Variants in STRN observed in about 807,000 individuals in gnomAD.
STRN encodes the protein striatin.
Under a neutral mutation model 96.3 loss-of-function variants are expected in STRN, and 53 were observed. The observed-to-expected ratio is 0.55, with a 90% CI of 0.44 to 0.69. The LOEUF (loss-of-function observed/expected upper bound fraction) is 0.69. Among genes scored for constraint, STRN ranks in the 30% least tolerant of loss-of-function variants. The pLI is 0.00. For synonymous variants in STRN, 428 were observed against 355.9 expected (o/e 1.20, Z -2.28); for missense variants, 987 against 963.9 (o/e 1.02, Z -0.32).
intron 12 of STRN, among the ~76,000 whole-genome samples, chr2:36,861,727 G>A (rs1454552910): frequency 7.1e-5 from 4 of 56,294 alleles, no homozygotes; most frequent in Non-Finnish European, 1.3e-4. Flanking sequence ...GTATCATTGC[G>A]TGAGCACACA....
chr2:36,930,159 C>T (rs894440496), intron 1 of STRN, among the ~76,000 whole-genome samples: 10 of 152,098 alleles, frequency 6.6e-5, no homozygotes, highest in African/African-American at 2.2e-4. Context: ...AGGCTAGGCG[C>T]GGTGGTTCAT....
chr2:36,891,140 G>A (rs1282623076), intron 7 of STRN, among the ~76,000 whole-genome samples: 1 of 152,198 alleles, frequency 6.6e-6, no homozygotes, highest in African/African-American at 2.4e-5. Flanking sequence ...AGAATTTGGA[G>A]CATTTCAGAT....
At chr2:36,959,152 TAATG>T (rs1664968054) in intron 1 of STRN, among the ~76,000 whole-genome samples, 2 of 152,060 alleles carry the variant, frequency 1.3e-5, no homozygotes, top group South Asian at 4.1e-4. Context: ...TGACACATCA[TAATG>T]AAACTACATA....
intron 1 of STRN, among the ~76,000 whole-genome samples, chr2:36,927,638 G>GCCAA (rs1177895302): frequency 6.6e-6 from 1 of 151,610 alleles, no homozygotes; most frequent in African/African-American, 2.4e-5. Flanking sequence ...GACCATCCTG[G>GCCAA]CCAACATACC....
In STRN at chr2:36,889,036, GCTCT is replaced by G. The variant is rs566464882; in HGVS notation, c.932-2214_932-2211del. Among the ~76,000 whole-genome samples the G allele has an allele frequency of 3.9e-3, 586 of 152,088 alleles. 2 individuals carry two copies. The highest frequency in any genetic ancestry group is 4.7e-3 in the Non-Finnish European group (317 of 67,992). On this transcript the variant is annotated intron_variant, in intron 7 of 17. Transcript: ENST00000263918. ...CCTTCTCTACCCCACACTGACCCCA[GCTCT>G]CTCTATCTCCCTTACTCTGTACTTT...
chr2:36,913,570 A>C (rs28527412), intron 3 of STRN, among the ~76,000 whole-genome samples: 85,669 of 152,022 alleles, frequency 0.56, 25,009 homozygotes, highest in African/African-American at 0.71. Flanking sequence ...CTTATTATTT[A>C]TCCATTATAC....
intron 13 of STRN, 79 bp downstream of exon 13, chr2:36,861,053 T>C: frequency 6.6e-7 from 1 of 1,526,650 alleles, no homozygotes; most frequent in Non-Finnish European, 8.8e-7. Context: ...AATCTCTTTA[T>C]CTCTTCCTTT....
At chr2:36,951,874 A>T (rs1664761446) in intron 1 of STRN, among the ~76,000 whole-genome samples, 1 of 152,156 alleles carries the variant, frequency 6.6e-6, no homozygotes, top group South Asian at 2.1e-4. Flanking sequence ...AGCAGCAGGC[A>T]AGCCAGCATT....
chr2:36,911,982 C>G (rs947771860), intron 3 of STRN, among the ~76,000 whole-genome samples: 5 of 152,140 alleles, frequency 3.3e-5, no homozygotes, highest in African/African-American at 1.2e-4. Flanking sequence ...GCAGATAATC[C>G]TATCTCATAT....
intron 1 of STRN, among the ~76,000 whole-genome samples, chr2:36,946,975 A>G (rs1558665029): frequency 6.6e-6 from 1 of 151,866 alleles, no homozygotes; most frequent in Non-Finnish European, 1.5e-5. Flanking sequence ...GGCTCACTGC[A>G]ACCTCCACCT....
chr2:36,867,982 C>T (rs753033427), intron 11 of STRN, 121 bp from the exon 12 acceptor site: 3 of 613,498 alleles, frequency 4.9e-6, no homozygotes, highest in Non-Finnish European at 7.8e-6. Context: ...CTCAACTACA[C>T]GATACGTAAG....
chr2:36,941,120 C>T (rs12995250), intron 1 of STRN, among the ~76,000 whole-genome samples: 1,897 of 152,328 alleles, frequency 0.012, 11 homozygotes, highest in Non-Finnish European at 0.02. Context: ...CCTGCCACTG[C>T]TCTCCAGCCT....
Position 36,891,935 on chromosome 2 carries a change from C to A in STRN, c.931+1963G>T, listed in dbSNP as rs143283778. On this transcript the variant is annotated intron_variant, in intron 7 of 17. Coordinates refer to ENST00000263918, the MANE Select transcript of STRN (RefSeq NM_003162.4). ...ACTTTTTTTCATTTTGGCTTTAGAACTCTTTCATTTTTCCTTCAGAGAAGA... is the reference window on the plus strand; with the variant it reads ...ACTTTTTTTCATTTTGGCTTTAGAAATCTTTCATTTTTCCTTCAGAGAAGA... 9.5e-4 allele frequency among the ~76,000 whole-genome samples: 145 copies of A among 152,140 alleles called. 2 individuals carry two copies. In the East Asian group the frequency reaches 0.024, roughly 25 times the overall value.
At chr2:36,906,939 C>A (rs202149175) in intron 3 of STRN, among the ~76,000 whole-genome samples, 9 of 149,878 alleles carry the variant, frequency 6.0e-5, no homozygotes, top group Admixed American at 6.6e-5. Context: ...ACAAAAAAAA[C>A]AAAAAAAAAC....
At chr2:36,944,797 C>T (rs1450236567) in intron 1 of STRN, among the ~76,000 whole-genome samples, 1 of 152,066 alleles carries the variant, frequency 6.6e-6, no homozygotes, top group Non-Finnish European at 1.5e-5. Context: ...GGCTAACATA[C>T]TATGGAAGAG....
At chr2:36,862,483 G>C (rs1668514048) in intron 12 of STRN, among the ~76,000 whole-genome samples, 1 of 152,130 alleles carries the variant, frequency 6.6e-6, no homozygotes, top group Non-Finnish European at 1.5e-5. Flanking sequence ...GTCTTGATTT[G>C]CATTTCTGTA....
At chr2:36,907,398 C>A (rs1007780609) in intron 3 of STRN, among the ~76,000 whole-genome samples, 6 of 151,996 alleles carry the variant, frequency 3.9e-5, no homozygotes, top group African/African-American at 1.5e-4. Context: ...AAATACAAAA[C>A]CTTAGCCAGG....
rs1374519783 is a variant in STRN at position 36,915,196 on chromosome 2, C to CA, written c.412+881dup. On this transcript the variant is annotated intron_variant, in intron 3 of 17. Transcript: ENST00000263918. ...TGGGTGACAGAGCAAGACTCCGTCTCAAAAAAAAAAAAAGGAAATTTAAAC... is the reference window on the plus strand; with the variant it reads ...TGGGTGACAGAGCAAGACTCCGTCTCAAAAAAAAAAAAAAGGAAATTTAAAC... Among the ~76,000 whole-genome samples the CA allele has an allele frequency of 2.2e-3, 129 of 59,022 alleles. 1 individual carries two copies. Among genetic ancestry groups the CA allele is most frequent in the Middle Eastern group, 0.022 (2 of 92 alleles). 38.7% of individuals were successfully genotyped at this position (59,022 alleles called of 152,430 possible).
At chr2:36,857,117 AGGGCCTCGCTAT>A (rs1668366724) in intron 14 of STRN, among the ~76,000 whole-genome samples, 1 of 150,920 alleles carries the variant, frequency 6.6e-6, no homozygotes, top group East Asian at 2.0e-4. Context: ...ATGTAGAGAC[AGGGCCTCGCTAT>A]GTTGCCCAGC....
Sources: allele counts gnomAD v4.1 joint callset (sites outside exome capture counted in the v4.1 genomes callset), GRCh38; gene constraint gnomAD v4.1.1; transcripts MANE v1.5; gene names NCBI Gene and HGNC (gene_info 2026-07-23, HGNC 2026-07-21).